ARHGAP24: variants seen among roughly 807,000 people sequenced by gnomAD.
The protein encoded by ARHGAP24 is Rho GTPase activating protein 24.
A neutral mutation model predicts 76.4 loss-of-function variants in ARHGAP24; 50 were observed. The ratio of observed to expected loss-of-function variants is 0.65; its 90% CI spans 0.52 to 0.83. ARHGAP24 has a LOEUF of 0.83. Ranked by LOEUF, ARHGAP24 falls within the 40% of genes least tolerant of loss-of-function variation. The pLI is 0.00. For synonymous variants in ARHGAP24, 345 were observed against 323.3 expected, an observed-to-expected ratio of 1.07 and a Z score of -0.72; for missense variants, 930 against 914.2, an observed-to-expected ratio of 1.02 and a Z score of -0.22.
chr4:85,961,997 C>T (rs986563098), intron 5 of ARHGAP24, among the ~76,000 whole-genome samples: 3 of 152,044 alleles, frequency 2.0e-5, no homozygotes, highest in African/African-American at 7.2e-5. Context: ...TGTAGGCAGG[C>T]AGAATACAAT....
chr4:85,577,576 G>A (rs1396127298), intron 2 of ARHGAP24, among the ~76,000 whole-genome samples: 3 of 152,186 alleles, frequency 2.0e-5, no homozygotes, highest in Admixed American at 2.0e-4. Context: ...GAGCAGAGGA[G>A]CGCGAGAGTG....
intron 1 of ARHGAP24, among the ~76,000 whole-genome samples, chr4:85,526,183 G>T (rs1442490416): frequency 6.6e-6 from 1 of 151,986 alleles, no homozygotes; most frequent in Non-Finnish European, 1.5e-5. Context: ...GGCCAAGATG[G>T]GTGGATGGCC....
In ARHGAP24 at chr4:85,683,118, G is replaced by C. The variant is rs1275237158; in HGVS notation, c.181-38767G>C. ...TAACTCTCTCAGTGTGTGGGGGGGT[G>C]GGGGGGGGGTGCGGGGGCTGTAAAA... is the stretch of plus-strand genomic sequence containing the variant. On this transcript the variant is annotated intron_variant, in intron 2 of 9. Coordinates refer to ENST00000395184, the MANE Select transcript of ARHGAP24 (RefSeq NM_001025616.3). Among the ~76,000 whole-genome samples the C allele has an allele frequency of 9.0e-3, 341 of 37,706 alleles. 7 individuals carry two copies. The highest frequency in any genetic ancestry group is 0.031 in the African/African-American group (323 of 10,508). The allele number at this position is 37,706 out of a possible 152,430, so 24.7% of individuals were successfully genotyped here.
At chr4:85,787,805 A>G (rs1201178972) in intron 3 of ARHGAP24, among the ~76,000 whole-genome samples, 2 of 152,184 alleles carry the variant, frequency 1.3e-5, no homozygotes, top group Non-Finnish European at 2.9e-5. Flanking sequence ...GTACTCCCTG[A>G]GCTGAGTACA....
chr4:85,552,051 G>A (rs925100828), intron 1 of ARHGAP24, among the ~76,000 whole-genome samples: 2 of 151,968 alleles, frequency 1.3e-5, no homozygotes, highest in Admixed American at 6.6e-5. Context: ...GCTATTTCAT[G>A]TCTTCTGCTA....
At chr4:85,505,808 G>T (rs1421393237) in intron 1 of ARHGAP24, among the ~76,000 whole-genome samples, 1 of 152,030 alleles carries the variant, frequency 6.6e-6, no homozygotes, top group African/African-American at 2.4e-5. Context: ...AGGTGCTCTG[G>T]TTTTTAGAAT....
intron 1 of ARHGAP24, among the ~76,000 whole-genome samples, chr4:85,553,877 G>A (rs1487599588): frequency 6.6e-6 from 1 of 152,130 alleles, no homozygotes; most frequent in Non-Finnish European, 1.5e-5. Context: ...TGGTTATTAT[G>A]TAGACTTGTT....
At chr4:85,529,625 C>T (rs974089003) in intron 1 of ARHGAP24, among the ~76,000 whole-genome samples, 2 of 151,954 alleles carry the variant, frequency 1.3e-5, no homozygotes, top group Admixed American at 6.6e-5. Flanking sequence ...CATCCTTAGC[C>T]TCTATTCACT....
chr4:85,974,077 C>G (rs1432890212), intron 6 of ARHGAP24, among the ~76,000 whole-genome samples: 2 of 148,452 alleles, frequency 1.3e-5, no homozygotes, highest in East Asian at 3.9e-4. Flanking sequence ...AGGATGGTCT[C>G]GATCTCCTGA....
chr4:85,490,582 G>T (rs890403761), intron 1 of ARHGAP24, among the ~76,000 whole-genome samples: 3 of 152,080 alleles, frequency 2.0e-5, no homozygotes, highest in African/African-American at 7.2e-5. Context: ...TTAATAAGAG[G>T]CAGGGAAGCA....
intron 3 of ARHGAP24, among the ~76,000 whole-genome samples, chr4:85,855,532 C>T (rs1731503678): frequency 6.6e-6 from 1 of 152,054 alleles, no homozygotes; most frequent in South Asian, 2.1e-4. Flanking sequence ...CATGGTGAAA[C>T]CCTGTCTCTA....
chr4:85,790,250 G>A (rs766781679), intron 3 of ARHGAP24, among the ~76,000 whole-genome samples: 18 of 152,064 alleles, frequency 1.2e-4, no homozygotes, highest in Non-Finnish European at 2.4e-4. Flanking sequence ...ATACCTCTCG[G>A]ACTGTCTCTT....
chr4:85,617,538 A>T (rs1720581173), intron 2 of ARHGAP24, among the ~76,000 whole-genome samples: 1 of 152,112 alleles, frequency 6.6e-6, no homozygotes, highest in African/African-American at 2.4e-5. Context: ...ATTTGTATAT[A>T]GTTATTGATA....
At chr4:85,889,836 C>T (rs1402121824) in intron 3 of ARHGAP24, among the ~76,000 whole-genome samples, 1 of 152,064 alleles carries the variant, frequency 6.6e-6, no homozygotes, top group Non-Finnish European at 1.5e-5. Context: ...ATTTCTTAAT[C>T]CCCCCTAAAC....
At chr4:85,966,639 T>A (rs1738626177) in intron 5 of ARHGAP24, among the ~76,000 whole-genome samples, 1 of 152,206 alleles carries the variant, frequency 6.6e-6, no homozygotes, top group African/African-American at 2.4e-5. Context: ...TGTGTCTTGC[T>A]GAACTCAGCA....
chr4:85,657,996 C>G lies in ARHGAP24; in HGVS notation c.181-63889C>G, dbSNP rs112749996. Among the ~76,000 whole-genome samples the G allele has an allele frequency of 5.4e-3, 817 of 152,320 alleles. 8 individuals are homozygous for G. Among genetic ancestry groups the G allele is most frequent in the African/African-American group, 0.019 (784 of 41,566 alleles). ...TCTCAAATTCCTGGCCTCAAGTGATCTGCCCCCCTCGGCTTCCCAAGATGC... is the reference window on the plus strand; with the variant it reads ...TCTCAAATTCCTGGCCTCAAGTGATGTGCCCCCCTCGGCTTCCCAAGATGC... On this transcript the variant is annotated intron_variant, in intron 2 of 9. Coordinates refer to ENST00000395184, the MANE Select transcript of ARHGAP24 (RefSeq NM_001025616.3).
At chr4:85,846,291 A>G (rs922030559) in intron 3 of ARHGAP24, among the ~76,000 whole-genome samples, 3 of 152,202 alleles carry the variant, frequency 2.0e-5, no homozygotes, top group African/African-American at 7.2e-5. Flanking sequence ...CACACGCACA[A>G]AAAAGCTGCC....
At chr4:85,648,595 T>C (rs1360955557) in intron 2 of ARHGAP24, among the ~76,000 whole-genome samples, 1 of 152,090 alleles carries the variant, frequency 6.6e-6, no homozygotes, top group Non-Finnish European at 1.5e-5. Context: ...GTCAAAGATG[T>C]AATATTGCCA....
intron 3 of ARHGAP24, among the ~76,000 whole-genome samples, chr4:85,853,422 T>A (rs2167716): frequency 0.14 from 21,853 of 152,142 alleles, 1,703 homozygotes; most frequent in African/African-American, 0.21. Flanking sequence ...TTCTGACCCC[T>A]TGTGCTTCCC....
Sources: gnomAD v4.1 joint callset for allele counts (sites outside exome capture counted in the v4.1 genomes callset) on GRCh38, gnomAD v4.1.1 for gene constraint, MANE v1.5 for transcripts, NCBI Gene and HGNC (gene_info 2026-07-23, HGNC 2026-07-21) for gene names.